ZNF385B: variants seen among roughly 807,000 people sequenced by gnomAD.
ZNF385B encodes zinc finger protein 385B.
ZNF385B carries 23 observed loss-of-function variants against 39.2 expected under a neutral mutation model. That is an observed-to-expected ratio of 0.59 (90% CI 0.42 to 0.83). The LOEUF (loss-of-function observed/expected upper bound fraction) is 0.83, where lower values mean the gene tolerates loss of function less well. Ranked by LOEUF, ZNF385B falls within the 40% of genes least tolerant of loss-of-function variation. ZNF385B has a pLI of 0.00. For missense variants in ZNF385B, 552 were observed against 598.9 expected (o/e 0.92, Z 0.82); for synonymous variants, 205 against 222.6 (o/e 0.92, Z 0.70).
intron 1 of ZNF385B, chr2:179,814,431 G>A (rs766782409): frequency 6.1e-5 from 27 of 445,538 alleles, no homozygotes; most frequent in Non-Finnish European, 9.4e-5. Context: ...TATTTTTCTT[G>A]TGAATATTAC....
intron 3 of ZNF385B, among the ~76,000 whole-genome samples, chr2:179,656,275 T>C (rs562415993): frequency 7.3e-4 from 111 of 152,264 alleles, no homozygotes; most frequent in Middle Eastern, 3.4e-3. Context: ...TTATGTATAT[T>C]ATTTTTATTA....
intron 3 of ZNF385B, among the ~76,000 whole-genome samples, chr2:179,568,430 A>G (rs1175059904): frequency 2.0e-5 from 3 of 152,236 alleles, no homozygotes; most frequent in Non-Finnish European, 4.4e-5. Context: ...GGCCAGGCCT[A>G]TGGTAGGTAC....
intron 1 of ZNF385B, among the ~76,000 whole-genome samples, chr2:179,805,174 C>T (rs1706273685): frequency 6.6e-6 from 1 of 152,116 alleles, no homozygotes; most frequent in South Asian, 2.1e-4. Flanking sequence ...AAAAACCATG[C>T]CATATGGAGA....
chr2:179,804,476 C>T (rs1706227151), intron 1 of ZNF385B, among the ~76,000 whole-genome samples: 1 of 152,172 alleles, frequency 6.6e-6, no homozygotes. Context: ...TCATGATCTA[C>T]AGGAGCCTGA....
intron 5 of ZNF385B, among the ~76,000 whole-genome samples, chr2:179,501,604 G>A (rs78294442): frequency 0.019 from 2,865 of 152,232 alleles, 87 homozygotes; most frequent in African/African-American, 0.065. Context: ...AGCTGGGAGA[G>A]AGGTGAGGGA....
rs564599637 is a variant in ZNF385B at position 179,543,120 on chromosome 2, A to C, written c.441+1707T>G. On this transcript the variant is annotated intron_variant, in intron 4 of 9. Transcript: ENST00000410066. ...AACCCTGTCTCTATTAAAAACACAAAAATTAGCCAGGTGTGGTGGCAGGCG... is the reference window on the plus strand; with the variant it reads ...AACCCTGTCTCTATTAAAAACACAACAATTAGCCAGGTGTGGTGGCAGGCG... Among the ~76,000 whole-genome samples, 6 of 152,152 alleles carry C rather than the reference A, an allele frequency of 3.9e-5. No homozygotes were observed. The East Asian group carries it at 1.2e-3, about 29-fold the overall frequency.
intron 3 of ZNF385B, among the ~76,000 whole-genome samples, chr2:179,726,095 T>C (rs1402234499): frequency 6.6e-6 from 1 of 151,942 alleles, no homozygotes; most frequent in African/African-American, 2.4e-5. Context: ...TGGACAACTG[T>C]CATTTCAAAC....
chr2:179,471,821 A>G (rs1267494505), intron 6 of ZNF385B, among the ~76,000 whole-genome samples: 1 of 152,220 alleles, frequency 6.6e-6, no homozygotes, highest in Non-Finnish European at 1.5e-5. Context: ...CATCCATGGC[A>G]CAAACAGAGG....
chr2:179,710,014 G>A, intron 3 of ZNF385B, among the ~76,000 whole-genome samples: 1 of 152,194 alleles, frequency 6.6e-6, no homozygotes, highest in African/African-American at 2.4e-5. Context: ...AATGGATGGA[G>A]GCCCTGGATA....
rs74589288 is a variant in ZNF385B at position 179,713,100 on chromosome 2, C to T, written c.298+56403G>A. Among the ~76,000 whole-genome samples, 194 of 152,194 alleles carry T rather than the reference C, an allele frequency of 1.3e-3. 1 individual carries two copies. The highest frequency in any genetic ancestry group is 2.2e-3 in the Non-Finnish European group (148 of 68,018). ...ACTGTAGGCTAATAAAAGTGTTCTG[C>T]GCATATTTAAGGTAGTCTAGGCTAA... On this transcript the variant is annotated intron_variant, in intron 3 of 9. Coordinates refer to ENST00000410066, the MANE Select transcript of ZNF385B (RefSeq NM_152520.6).
At chr2:179,797,219 A>G (rs1189317077) in intron 1 of ZNF385B, among the ~76,000 whole-genome samples, 2 of 152,276 alleles carry the variant, frequency 1.3e-5, no homozygotes, top group Middle Eastern at 3.4e-3. Context: ...AGTAGTAAAA[A>G]TAGTATAGTT....
intron 3 of ZNF385B, among the ~76,000 whole-genome samples, chr2:179,692,752 C>T (rs1033982510): frequency 2.6e-5 from 4 of 152,296 alleles, no homozygotes; most frequent in Admixed American, 2.0e-4. Context: ...GAAGTCTGCT[C>T]TCATTGGTGA....
chr2:179,705,189 G>A (rs1240044703), intron 3 of ZNF385B, among the ~76,000 whole-genome samples: 1 of 152,132 alleles, frequency 6.6e-6, no homozygotes, highest in Non-Finnish European at 1.5e-5. Flanking sequence ...GATCTCTGAA[G>A]GCATTGCTCT....
chr2:179,616,657 TCAAA>T (rs1235115203), intron 3 of ZNF385B, among the ~76,000 whole-genome samples: 13 of 151,908 alleles, frequency 8.6e-5, no homozygotes, highest in Non-Finnish European at 1.5e-5. Context: ...ACTCCTGGGA[TCAAA>T]CAATCTTCTC....
intron 3 of ZNF385B, among the ~76,000 whole-genome samples, chr2:179,762,576 T>C (rs963556997): frequency 6.6e-6 from 1 of 152,220 alleles, no homozygotes; most frequent in Non-Finnish European, 1.5e-5. Flanking sequence ...ATTCTTTTGA[T>C]ACATTGCTGG....
At position 179,767,683 on chromosome 2, in the gene ZNF385B, C is replaced by T. The variant is rs56920674; in HGVS notation, c.298+1820G>A. Reference sequence around the variant, plus strand: ...GAGGCTCTAAACAGTAGATAGTGTACGCATGCACACATGATAGCACTAGGT... The same window carrying T: ...GAGGCTCTAAACAGTAGATAGTGTATGCATGCACACATGATAGCACTAGGT... On this transcript the variant is annotated intron_variant, in intron 3 of 9. Transcript: ENST00000410066. Among the ~76,000 whole-genome samples the T allele has an allele frequency of 2.2e-3, 334 of 152,164 alleles. 2 individuals are homozygous for T. Among genetic ancestry groups the T allele is most frequent in the African/African-American group, 7.5e-3 (313 of 41,496 alleles).
chr2:179,825,424 G>A (rs1476080762), intron 1 of ZNF385B, among the ~76,000 whole-genome samples: 1 of 152,124 alleles, frequency 6.6e-6, no homozygotes, highest in Non-Finnish European at 1.5e-5. Context: ...GTGGTTTTGA[G>A]CAGTGGTCAA....
chr2:179,770,133 G>A (rs1376108387), intron 2 of ZNF385B, among the ~76,000 whole-genome samples: 1 of 151,952 alleles, frequency 6.6e-6, no homozygotes, highest in Non-Finnish European at 1.5e-5. Context: ...CCTTCCTCAT[G>A]AAACCCTTTC....
At chr2:179,680,549 C>A (rs954994367) in intron 3 of ZNF385B, among the ~76,000 whole-genome samples, 5 of 151,952 alleles carry the variant, frequency 3.3e-5, no homozygotes, top group Non-Finnish European at 5.9e-5. Flanking sequence ...TATTTCTTGA[C>A]CTGGCTAGTA....
Sources: allele counts gnomAD v4.1 joint callset (sites outside exome capture counted in the v4.1 genomes callset), GRCh38; gene constraint gnomAD v4.1.1; transcripts MANE v1.5; gene names NCBI Gene and HGNC (gene_info 2026-07-23, HGNC 2026-07-21).